FAM217A: variants seen among roughly 807,000 people sequenced by gnomAD.
The protein encoded by FAM217A is family with sequence similarity 217 member A, also known as protein FAM217A.
In FAM217A, 13 loss-of-function variants were observed where a neutral mutation model predicts 18.5. The ratio of observed to expected loss-of-function variants is 0.70; its 90% CI spans 0.46 to 1.12. The LOEUF (loss-of-function observed/expected upper bound fraction) is 1.12, where lower values mean the gene tolerates loss of function less well. Among genes scored for constraint, FAM217A ranks in the 50% most tolerant of loss-of-function variants. The probability of loss-of-function intolerance (pLI) is 0.00; values close to 1 mark genes in which losing one functional copy is unlikely to be tolerated. For synonymous variants in FAM217A, 161 were observed against 202.8 expected, an observed-to-expected ratio of 0.79 and a Z score of 1.75; for missense variants, 560 against 575.4, an observed-to-expected ratio of 0.97 and a Z score of 0.27.
intron 1 of FAM217A, among the ~76,000 whole-genome samples, chr6:4,086,060 A>G (rs937669243): frequency 6.6e-6 from 1 of 152,088 alleles, no homozygotes; most frequent in Non-Finnish European, 1.5e-5. Context: ...GGCTACAGTG[A>G]GCTGCACTGC....
At chr6:4,078,757 C>G (rs1369540191) in intron 1 of FAM217A, 95 bp downstream of exon 1, 1 of 407,582 alleles carries the variant, frequency 2.5e-6, no homozygotes, top group Non-Finnish European at 4.4e-6. Flanking sequence ...ATCCCCTTTT[C>G]CTCCTGAGCT....
At position 4,069,486 on chromosome 6, in the gene FAM217A, A is replaced by G; in HGVS notation, c.737T>C (p.Phe246Ser). The change falls in exon 7 of 7, where the codon TTT becomes TCT. Residue 246 changes from phenylalanine (F) to serine (S), a missense_variant. Coordinates refer to ENST00000274673, the MANE Select transcript of FAM217A (RefSeq NM_173563.3). ...AGGAGGGAGAAAATCAGGATATGGA[A>G]ATACTTCATTTGGCTCCTCGGTGAA... ...EPFTEEPNEVFPYPDFLPPPF... is the reference protein window; with the variant it reads ...EPFTEEPNEVSPYPDFLPPPF... 1.2e-6 allele frequency: 2 copies of G among 1,614,136 alleles called. No homozygotes were observed. The highest frequency in any genetic ancestry group is 1.7e-6 in the Non-Finnish European group (2 of 1,180,024).
chr6:4,084,980 CACA>C (rs935851570), intron 1 of FAM217A, among the ~76,000 whole-genome samples: 4 of 152,284 alleles, frequency 2.6e-5, no homozygotes, highest in Middle Eastern at 3.4e-3. Flanking sequence ...CAGCTCTCAT[CACA>C]ACAAGAAAAA....
At chr6:4,079,803 G>A (rs1770152318), upstream of FAM217A, 1 of 460,512 alleles carries the variant, frequency 2.2e-6, no homozygotes, top group Admixed American at 5.2e-5. Flanking sequence ...AGCTCATCCG[G>A]TCAGTTTCAG....
chr6:4,071,962 T>A (rs767401517), intron 6 of FAM217A, among the ~76,000 whole-genome samples: 1 of 152,208 alleles, frequency 6.6e-6, no homozygotes, highest in Admixed American at 6.5e-5. Flanking sequence ...AAAGCATTCA[T>A]TTCCAAATAC....
intron 3 of FAM217A, 57 bp downstream of exon 3, chr6:4,074,520 C>T (rs1769643863): frequency 2.5e-6 from 4 of 1,577,386 alleles, no homozygotes; most frequent in Non-Finnish European, 3.5e-6. Context: ...CAAAACAAAC[C>T]CCCTTTTAAT....
intron 6 of FAM217A, among the ~76,000 whole-genome samples, chr6:4,071,682 T>A (rs1769425092): frequency 6.6e-6 from 1 of 152,194 alleles, no homozygotes; most frequent in Non-Finnish European, 1.5e-5. Context: ...TGAGGTTTTT[T>A]CTCATAAAAA....
At position 4,068,613 on chromosome 6, in the gene FAM217A, C is replaced by T. The variant is rs1769180494; in HGVS notation, c.*83G>A. 2 of 1,447,082 alleles carry T rather than the reference C, an allele frequency of 1.4e-6. No individual in the cohort carries two copies. The highest frequency in any genetic ancestry group is 1.9e-6 in the Non-Finnish European group (2 of 1,078,930). The allele number at this position is 1,447,082 out of a possible 1,614,324, so 89.6% of individuals were successfully genotyped here. The stretch of plus-strand genomic sequence containing the variant: ...GATTTTGGGGGACTGTTAATAGTAC[C>T]TGTGTCTTGGAATAATTAACCATAT... On this transcript the variant is annotated 3_prime_UTR_variant, in exon 7 of 7. Coordinates refer to ENST00000274673, the MANE Select transcript of FAM217A (RefSeq NM_173563.3).
chr6:4,084,164 T>C (rs1393315239), intron 2 of FAM217A, among the ~76,000 whole-genome samples: 5 of 152,214 alleles, frequency 3.3e-5, no homozygotes, highest in Non-Finnish European at 7.3e-5. Context: ...AAGAAATATA[T>C]ATGCAAATAT....
In FAM217A at chr6:4,076,189, C is replaced by T. The variant is rs967448197; in HGVS notation, c.60+1166G>A. 4.0e-5 allele frequency among the ~76,000 whole-genome samples: 6 copies of T among 151,680 alleles called. 1 individual carries two copies. The East Asian group carries it at 5.8e-4, about 15-fold the overall frequency. On this transcript the variant is annotated intron_variant, in intron 2 of 6. Coordinates refer to ENST00000274673, the MANE Select transcript of FAM217A (RefSeq NM_173563.3). The stretch of plus-strand genomic sequence containing the variant: ...ACTAAAAATACAAAAATTAGCTGGG[C>T]GTGGTGGTGGGTGCCTGTAATCCCA...
Position 4,068,492 on chromosome 6 carries a change from AAT to A in FAM217A, c.*202_*203del, listed in dbSNP as rs1374171641. The A allele has an allele frequency of 2.2e-6, 1 of 458,012 alleles. No individual in the cohort carries two copies. Among genetic ancestry groups the A allele is most frequent in the Middle Eastern group, 5.7e-4 (1 of 1,768 alleles). The allele number at this position is 458,012 out of a possible 1,614,324, so 28.4% of individuals were successfully genotyped here. On this transcript the variant is annotated 3_prime_UTR_variant, in exon 7 of 7. Coordinates refer to ENST00000274673, the MANE Select transcript of FAM217A (RefSeq NM_173563.3). Reference sequence around the variant, plus strand: ...AAACACAACATGCAAAAGATTGTGAAATATGTCAGTATAGAAGCCTGTGGGTT... The same window carrying A: ...AAACACAACATGCAAAAGATTGTGAAATGTCAGTATAGAAGCCTGTGGGTT...
At chr6:4,079,680 G>A (rs942922322), upstream of FAM217A, 5 of 1,278,512 alleles carry the variant, frequency 3.9e-6, no homozygotes, top group East Asian at 5.7e-5. Flanking sequence ...AGCACCGCCC[G>A]GTACGTAGTC....
intron 6 of FAM217A, among the ~76,000 whole-genome samples, chr6:4,071,030 A>G (rs939047241): frequency 6.6e-6 from 1 of 152,160 alleles, no homozygotes; most frequent in Non-Finnish European, 1.5e-5. Flanking sequence ...AGAAAAAAAT[A>G]CTAATTTAGC....
chr6:4,071,282 G>A (rs1166769817), intron 6 of FAM217A, among the ~76,000 whole-genome samples: 2 of 152,132 alleles, frequency 1.3e-5, no homozygotes, highest in Non-Finnish European at 2.9e-5. Context: ...TAAACACTAA[G>A]TTATCGTTAC....
Position 4,068,938 on chromosome 6 carries a change from T to G in FAM217A, c.1285A>C (p.Lys429Gln). 1 of 1,614,196 alleles carries G rather than the reference T, an allele frequency of 6.2e-7. No individual in the cohort carries two copies. Among genetic ancestry groups the G allele is most frequent in the South Asian group, 1.1e-5 (1 of 91,082 alleles). ...GGCAGACATCTTGTGGAGACCATTTTAACCATTGATTGATTTGTATGGCCA... is the reference window on the plus strand; with the variant it reads ...GGCAGACATCTTGTGGAGACCATTTGAACCATTGATTGATTTGTATGGCCA... Reference protein sequence around the residue: ...TIGHTNQSMVKMVSTRCLPWR... With the variant: ...TIGHTNQSMVQMVSTRCLPWR... Residue 429 changes from lysine (K) to glutamine (Q), a missense_variant, in exon 7 of 7, where the codon AAA becomes CAA. Coordinates refer to ENST00000274673, the MANE Select transcript of FAM217A (RefSeq NM_173563.3).
At chr6:4,075,414 C>T (rs909699224) in intron 2 of FAM217A, among the ~76,000 whole-genome samples, 12 of 151,980 alleles carry the variant, frequency 7.9e-5, no homozygotes, top group African/African-American at 2.9e-4. Flanking sequence ...AGTCTCTAAC[C>T]CTCATATTAT....
rs1166480177 is a variant in FAM217A, at chr6:4,084,634, C to T, written c.195G>A (p.Trp65Ter). 1 of 703,016 alleles carries T rather than the reference C, an allele frequency of 1.4e-6. No homozygotes were observed. Among genetic ancestry groups the T allele is most frequent in the South Asian group, 1.5e-5 (1 of 67,598 alleles). The allele number at this position is 703,016 out of a possible 1,614,324, so 43.5% of individuals were successfully genotyped here. A position where few individuals can be genotyped will look rare whatever the true frequency, so the allele number is the denominator to read the frequency against. Residue 65 changes from tryptophan (W) to a stop codon, truncating the protein, a stop_gained, in exon 2 of 9, where the codon TGG (tryptophan) becomes TGA (stop). Transcript: ENST00000639338. LOFTEE classifies it high-confidence loss of function. Reference sequence around the variant, plus strand: ...TCCCTTTCTGGTCGTCAGACCCCTCCCACCTCATTTGTTGTGAACAGAACA... The same window carrying T: ...TCCCTTTCTGGTCGTCAGACCCCTCTCACCTCATTTGTTGTGAACAGAACA...
chr6:4,079,494 C>A, upstream of FAM217A: 1 of 586,398 alleles, frequency 1.7e-6, no homozygotes, highest in Non-Finnish European at 2.6e-6. Flanking sequence ...TTCGGCCTTC[C>A]TGGGCCTCCT....
Position 4,073,514 on chromosome 6 carries a change from G to A in FAM217A, c.160-7C>T, listed in dbSNP as rs1769559191. ...CTGGAATTTCCAAATAGTTCTATAA[G>A]GCAGCAGAAGACTTTTAAACATAAT... On this transcript the variant is annotated splice_region_variant and splice_polypyrimidine_tract_variant and intron_variant, in intron 4 of 6. Transcript: ENST00000274673. 6 of 1,610,432 alleles carry A rather than the reference G, an allele frequency of 3.7e-6. No homozygotes were observed. The highest frequency in any genetic ancestry group is 5.1e-6 in the Non-Finnish European group (6 of 1,177,674).
Sources: gnomAD v4.1 joint callset for allele counts (sites outside exome capture counted in the v4.1 genomes callset) on GRCh38, gnomAD v4.1.1 for gene constraint, MANE v1.5 for transcripts, NCBI Gene and HGNC (gene_info 2026-07-23, HGNC 2026-07-21) for gene names.